The following RAB8B variants were observed in gnomAD, a reference collection of about 807,000 sequenced individuals.
RAB8B encodes the protein RAB8B, member RAS oncogene family.
In RAB8B, 11 loss-of-function variants were observed where a neutral mutation model predicts 32.0. That is an observed-to-expected ratio of 0.34 (90% CI 0.22 to 0.57). The LOEUF is 0.57. Among genes scored for constraint, RAB8B ranks in the 20% least tolerant of loss-of-function variants. The probability of loss-of-function intolerance (pLI) is 0.86; values close to 1 mark genes in which losing one functional copy is unlikely to be tolerated. For missense variants in RAB8B, 190 were observed against 258.5 expected (o/e 0.73, Z 1.82); for synonymous variants, 103 against 89.6 (o/e 1.15, Z -0.85).
intron 1 of RAB8B, among the ~76,000 whole-genome samples, chr15:63,239,406 C>T (rs1216947232): frequency 3.4e-5 from 5 of 146,512 alleles, no homozygotes; most frequent in Admixed American, 7.2e-5. Flanking sequence ...AAGAAATTTC[C>T]GAAGTTTTTT....
chr15:63,212,094 A>G (rs1055812586), intron 1 of RAB8B, among the ~76,000 whole-genome samples: 6 of 152,082 alleles, frequency 3.9e-5, no homozygotes, highest in African/African-American at 1.4e-4. Context: ...CAGCATCCCA[A>G]AGCGCTGGGA....
chr15:63,228,893 ATGAG>A (rs1480130445), intron 1 of RAB8B, among the ~76,000 whole-genome samples: 1 of 152,264 alleles, frequency 6.6e-6, no homozygotes, highest in African/African-American at 2.4e-5. Context: ...TGCAAAAATA[ATGAG>A]TAAGTGAAAA....
rs1008280499 is a variant in RAB8B, at chr15:63,263,232, C to T, written c.532-295C>T. On this transcript the variant is annotated intron_variant, in intron 7 of 7. Coordinates refer to ENST00000321437, the MANE Select transcript of RAB8B (RefSeq NM_016530.3). The stretch of plus-strand genomic sequence containing the variant: ...TATCTTAACATTGTTTCCATCATTA[C>T]CTTTGAAACTTTACACTCCATTGGA... 2.0e-5 allele frequency among the ~76,000 whole-genome samples: 3 copies of T among 152,144 alleles called. No homozygotes were observed. In the East Asian group the frequency reaches 5.8e-4, roughly 29 times the overall value.
intron 6 of RAB8B, among the ~76,000 whole-genome samples, chr15:63,260,170 C>G (rs529824870): frequency 1.3e-5 from 2 of 152,314 alleles, no homozygotes; most frequent in Admixed American, 6.5e-5. Flanking sequence ...TGTTGAATTT[C>G]TAGCATCTAG....
At chr15:63,230,092 T>C (rs1023651326) in intron 1 of RAB8B, among the ~76,000 whole-genome samples, 1 of 152,160 alleles carries the variant, frequency 6.6e-6, no homozygotes, top group Non-Finnish European at 1.5e-5. Flanking sequence ...CCTGCATTAC[T>C]CTGTTGGTTG....
intron 1 of RAB8B, among the ~76,000 whole-genome samples, chr15:63,227,833 C>T (rs576562473): frequency 1.3e-5 from 2 of 152,312 alleles, no homozygotes; most frequent in African/African-American, 4.8e-5. Context: ...TCACCATGAT[C>T]CTCAGCTGAG....
rs2038260118 is a variant in RAB8B, at chr15:63,267,733, A to T, written c.*4114A>T. 3 of 152,088 alleles carry T rather than the reference A, an allele frequency of 2.0e-5. No homozygotes were observed. The allele number at this position is 152,088 out of a possible 1,614,324, so 9.4% of individuals were successfully genotyped here. On this transcript the variant is annotated 3_prime_UTR_variant, in exon 8 of 8. Transcript: ENST00000321437. ...TATTCCAGGTGAACTTTTTTTTTAT[A>T]ATAATGTTCGTCTAAAATAAAAACT...
chr15:63,189,795 G>C, intron 1 of RAB8B, 47 bp downstream of exon 1: 1 of 1,364,164 alleles, frequency 7.3e-7, no homozygotes, highest in Non-Finnish European at 9.7e-7. Flanking sequence ...ATTGGGGGGC[G>C]GGTACTAGGG....
chr15:63,257,224 C>T (rs769413566), intron 5 of RAB8B, among the ~76,000 whole-genome samples: 2 of 150,458 alleles, frequency 1.3e-5, no homozygotes, highest in African/African-American at 2.4e-5. Context: ...TTGCTTTAGC[C>T]TTTAAAAAAA....
chr15:63,260,604 C>T lies in RAB8B; in HGVS notation c.480+912C>T, dbSNP rs527934126. On this transcript the variant is annotated intron_variant, in intron 6 of 7. Coordinates refer to ENST00000321437, the MANE Select transcript of RAB8B (RefSeq NM_016530.3). ...AACGTAGATGACTGGTTGATGGTTG[C>T]AGAAAACCACCATGGCACGTGTATA... is the stretch of plus-strand genomic sequence containing the variant. 2.0e-3 allele frequency among the ~76,000 whole-genome samples: 301 copies of T among 152,024 alleles called. 1 individual carries two copies. The highest frequency in any genetic ancestry group is 3.6e-3 in the Non-Finnish European group (245 of 67,982).
chr15:63,197,711 T>C (rs931032189), intron 1 of RAB8B, among the ~76,000 whole-genome samples: 2 of 152,088 alleles, frequency 1.3e-5, no homozygotes, highest in African/African-American at 4.8e-5. Flanking sequence ...TATGTTGGCA[T>C]AGTATGTTGA....
chr15:63,220,548 G>T (rs148847842), intron 1 of RAB8B, among the ~76,000 whole-genome samples: 96 of 152,220 alleles, frequency 6.3e-4, no homozygotes, highest in Middle Eastern at 6.8e-3. Context: ...GGAGGAGTAA[G>T]AGTCAAGTGG....
rs879767226 is a variant in RAB8B at position 63,266,179 on chromosome 15, A to C, written c.*2560A>C. The C allele has an allele frequency of 6.6e-5, 10 of 152,604 alleles. No homozygotes were observed. Among genetic ancestry groups the C allele is most frequent in the Non-Finnish European group, 1.5e-4 (10 of 67,992 alleles). 9.5% of individuals were successfully genotyped at this position (152,604 alleles called of 1,614,324 possible). On this transcript the variant is annotated 3_prime_UTR_variant, in exon 8 of 8. Transcript: ENST00000321437. ...TTTTGTGGTCTTATGGATAAGGTACATGAAGATTTTTGCAGCAGTATTAGT... is the reference window on the plus strand; with the variant it reads ...TTTTGTGGTCTTATGGATAAGGTACCTGAAGATTTTTGCAGCAGTATTAGT...
chr15:63,263,754 A>G lies in RAB8B; in HGVS notation c.*135A>G. 1 of 603,906 alleles carries G rather than the reference A, an allele frequency of 1.7e-6. No homozygotes were observed. The highest frequency in any genetic ancestry group is 2.9e-6 in the Non-Finnish European group (1 of 347,132). The allele number at this position is 603,906 out of a possible 1,614,324, so 37.4% of individuals were successfully genotyped here. Reference sequence around the variant, plus strand: ...CCACTGAACTTAGACCTCTCAACACAGTATGCCAAGTGGATTCCAGCCTCA... The same window carrying G: ...CCACTGAACTTAGACCTCTCAACACGGTATGCCAAGTGGATTCCAGCCTCA... On this transcript the variant is annotated 3_prime_UTR_variant, in exon 8 of 8. Coordinates refer to ENST00000321437, the MANE Select transcript of RAB8B (RefSeq NM_016530.3).
intron 1 of RAB8B, among the ~76,000 whole-genome samples, chr15:63,194,090 C>T (rs1405700605): frequency 6.6e-6 from 1 of 152,138 alleles, no homozygotes; most frequent in African/African-American, 2.4e-5. Flanking sequence ...CTGCCCCCTT[C>T]TTCCTGTTAG....
chr15:63,194,905 A>G (rs1292439424), intron 1 of RAB8B, among the ~76,000 whole-genome samples: 13 of 152,250 alleles, frequency 8.5e-5, no homozygotes, highest in Admixed American at 8.5e-4. Flanking sequence ...GGTTCTTTGT[A>G]GAAAGTTTGC....
rs1397477469 is a variant in RAB8B at position 63,264,343 on chromosome 15, G to A, written c.*724G>A. The A allele has an allele frequency of 6.6e-6, 1 of 152,084 alleles. No individual in the cohort carries two copies. The highest frequency in any genetic ancestry group is 1.5e-5 in the Non-Finnish European group (1 of 67,996). The allele number at this position is 152,084 out of a possible 1,614,324, so 9.4% of individuals were successfully genotyped here. A position where few individuals can be genotyped will look rare whatever the true frequency, so the allele number is the denominator to read the frequency against. ...CACCATAATCTCATTTTTCCCTGGGGTTTGTATTTGCTATTCTTTCCCATG... is the reference window on the plus strand; with the variant it reads ...CACCATAATCTCATTTTTCCCTGGGATTTGTATTTGCTATTCTTTCCCATG... On this transcript the variant is annotated 3_prime_UTR_variant, in exon 8 of 8. Transcript: ENST00000321437.
At chr15:63,236,987 A>G (rs983184099) in intron 1 of RAB8B, among the ~76,000 whole-genome samples, 1 of 152,238 alleles carries the variant, frequency 6.6e-6, no homozygotes, top group African/African-American at 2.4e-5. Context: ...CAAATAAATT[A>G]GAACATGCGA....
intron 1 of RAB8B, among the ~76,000 whole-genome samples, chr15:63,227,680 T>A (rs1036650232): frequency 1.3e-5 from 2 of 152,254 alleles, no homozygotes; most frequent in Non-Finnish European, 2.9e-5. Context: ...GATTTGTTTT[T>A]AAAATAATCT....
Sources: gnomAD v4.1 joint callset for allele counts (sites outside exome capture counted in the v4.1 genomes callset) on GRCh38, gnomAD v4.1.1 for gene constraint, MANE v1.5 for transcripts, NCBI Gene and HGNC (gene_info 2026-07-23, HGNC 2026-07-21) for gene names.